Variants in RPGRIP1L observed in about 807,000 individuals in gnomAD.
RPGRIP1L encodes RPGRIP1 like, also known as protein fantom.
Under a neutral mutation model 160.4 loss-of-function variants are expected in RPGRIP1L, and 131 were observed. That is an observed-to-expected ratio of 0.82 (90% CI 0.71 to 0.94). The LOEUF (loss-of-function observed/expected upper bound fraction) is 0.94. RPGRIP1L is among the 40% of genes least tolerant of loss of function. The probability of loss-of-function intolerance (pLI) is 0.00; values close to 1 mark genes in which losing one functional copy is unlikely to be tolerated. For synonymous variants in RPGRIP1L, 510 were observed against 515.8 expected, an observed-to-expected ratio of 0.99 and a Z score of 0.15; for missense variants, 1,522 against 1,535.8, an observed-to-expected ratio of 0.99 and a Z score of 0.15.
At chr16:53,662,475 C>T (rs557389311) in intron 10 of RPGRIP1L, among the ~76,000 whole-genome samples, 2 of 152,196 alleles carry the variant, frequency 1.3e-5, no homozygotes, top group South Asian at 4.1e-4. Flanking sequence ...TGAATGACTA[C>T]AAGAAGCCAG....
At chr16:53,655,905 G>A (rs1021672016) in intron 14 of RPGRIP1L, among the ~76,000 whole-genome samples, 2 of 152,178 alleles carry the variant, frequency 1.3e-5, no homozygotes, top group African/African-American at 4.8e-5. Flanking sequence ...AAGCAGGGAA[G>A]CGTGTATCTT....
At chr16:53,631,281 C>T (rs1019726656) in intron 22 of RPGRIP1L, among the ~76,000 whole-genome samples, 4 of 152,198 alleles carry the variant, frequency 2.6e-5, no homozygotes, top group Non-Finnish European at 4.4e-5. Context: ...GTTCAGAGAA[C>T]CTAGTTTCCA....
chr16:53,619,759 T>C (rs1294564331), intron 23 of RPGRIP1L, among the ~76,000 whole-genome samples: 2 of 152,198 alleles, frequency 1.3e-5, no homozygotes, highest in East Asian at 3.8e-4. Context: ...GAATAAATAA[T>C]ACATTTTCAA....
chr16:53,652,283 G>C (rs1272586515), intron 15 of RPGRIP1L, among the ~76,000 whole-genome samples: 1 of 152,094 alleles, frequency 6.6e-6, no homozygotes, highest in African/African-American at 2.4e-5. Context: ...GTATTTGTCA[G>C]GCTGGTCTTG....
intron 21 of RPGRIP1L, 90 bp from the exon 22 acceptor site, chr16:53,636,602 A>G (rs1965851165): frequency 1.1e-6 from 1 of 870,430 alleles, no homozygotes; most frequent in African/African-American, 1.7e-5. Flanking sequence ...CACACACCAT[A>G]AGATAACCTT....
chr16:53,658,756 T>C lies in RPGRIP1L; in HGVS notation c.1350+16A>G. The C allele has an allele frequency of 6.6e-7, 1 of 1,523,908 alleles. No homozygotes were observed. The highest frequency in any genetic ancestry group is 1.8e-5 in the Admixed American group (1 of 54,506). The allele number at this position is 1,523,908 out of a possible 1,614,324, so 94.4% of individuals were successfully genotyped here. On this transcript the variant is annotated intron_variant, in intron 11 of 26. Transcript: ENST00000647211. The stretch of plus-strand genomic sequence containing the variant: ...AAAATTCTGAGTTTTATTTCTTAAA[T>C]AAGGAAATAATTCACCTGGTTGTAC...
intron 6 of RPGRIP1L, among the ~76,000 whole-genome samples, chr16:53,677,113 G>A (rs1182261213): frequency 1.3e-5 from 2 of 152,084 alleles, no homozygotes; most frequent in Non-Finnish European, 1.5e-5. Context: ...ACTTTCAGTG[G>A]TTTAATCGGT....
At chr16:53,658,682 C>T (rs1967486150) in intron 11 of RPGRIP1L, 90 bp downstream of exon 11, 2 of 933,520 alleles carry the variant, frequency 2.1e-6, no homozygotes, top group East Asian at 2.6e-5. Context: ...TATCTGTATG[C>T]TTTCGCTTTG....
At chr16:53,628,983 G>A (rs1567811872) in intron 22 of RPGRIP1L, among the ~76,000 whole-genome samples, 1 of 151,482 alleles carries the variant, frequency 6.6e-6, no homozygotes, top group Non-Finnish European at 1.5e-5. Flanking sequence ...CCATAGAAAT[G>A]GTGTGTGTGT....
At chr16:53,653,261 G>A (rs1297368565) in intron 14 of RPGRIP1L, 25 of 923,870 alleles carry the variant, frequency 2.7e-5, no homozygotes, top group Non-Finnish European at 3.2e-5. Context: ...GAAGAAAAGC[G>A]CTCTTAATGA....
intron 6 of RPGRIP1L, among the ~76,000 whole-genome samples, chr16:53,675,574 C>T (rs576526689): frequency 1.8e-4 from 28 of 152,204 alleles, no homozygotes; most frequent in Middle Eastern, 6.8e-3. Flanking sequence ...ACAACTCTCT[C>T]GACGCAAATG....
At chr16:53,639,743 T>C (rs1869795396) in intron 19 of RPGRIP1L, among the ~76,000 whole-genome samples, 2 of 152,274 alleles carry the variant, frequency 1.3e-5, no homozygotes, top group South Asian at 4.1e-4. Context: ...ATAGGGTTGT[T>C]GTGAGGATTA....
At chr16:53,637,973 G>T in intron 20 of RPGRIP1L, 119 bp from the exon 21 acceptor site, 1 of 960,926 alleles carries the variant, frequency 1.0e-6, no homozygotes, top group Non-Finnish European at 1.6e-6. Flanking sequence ...ATACAGATAT[G>T]TAATATGTAT....
chr16:53,632,900 C>T (rs1393920148), intron 22 of RPGRIP1L, among the ~76,000 whole-genome samples: 1 of 152,170 alleles, frequency 6.6e-6, no homozygotes, highest in Non-Finnish European at 1.5e-5. Flanking sequence ...CTTCTGAATG[C>T]TCCCATAGCA....
chr16:53,680,418 A>G (rs1289624220), intron 6 of RPGRIP1L, among the ~76,000 whole-genome samples: 1 of 152,120 alleles, frequency 6.6e-6, no homozygotes, highest in African/African-American at 2.4e-5. Context: ...ACTGAGGGAC[A>G]TTCTGCATAC....
chr16:53,664,903 T>C lies in RPGRIP1L; in HGVS notation c.1210A>G (p.Thr404Ala). 6.2e-7 allele frequency: 1 copy of C among 1,612,454 alleles called. No homozygotes were observed. Among genetic ancestry groups the C allele is most frequent in the Non-Finnish European group, 8.5e-7 (1 of 1,179,902 alleles). Residue 404 changes from threonine to alanine, a missense_variant, in exon 10 of 27, where the codon ACT (threonine) becomes GCT (alanine). Coordinates refer to ENST00000647211, the MANE Select transcript of RPGRIP1L (RefSeq NM_015272.5). ...GTTTTTAATCTGTCAAGGATTTCAG[T>C]TTTGTCTGTTAAGTCAGACTTCAAG... is the stretch of plus-strand genomic sequence containing the variant. ...TALKSDLTDK[T>A]EILDRLKTER...
chr16:53,656,372 A>G, intron 14 of RPGRIP1L, 100 bp downstream of exon 14: 1 of 861,516 alleles, frequency 1.2e-6, no homozygotes, highest in Non-Finnish European at 2.0e-6. Flanking sequence ...GCGTAAACAC[A>G]GCAAAAATAC....
intron 10 of RPGRIP1L, among the ~76,000 whole-genome samples, chr16:53,662,535 T>A (rs1232141445): frequency 1.3e-5 from 2 of 152,142 alleles, no homozygotes; most frequent in African/African-American, 4.8e-5. Context: ...GGTAAATGTA[T>A]GAAGACACTT....
chr16:53,675,849 A>G (rs1213872785), intron 6 of RPGRIP1L, among the ~76,000 whole-genome samples: 1 of 152,186 alleles, frequency 6.6e-6, no homozygotes, highest in Non-Finnish European at 1.5e-5. Context: ...GTTAAAGGTT[A>G]ATCATAGATC....
Sources: allele counts gnomAD v4.1 joint callset (sites outside exome capture counted in the v4.1 genomes callset), GRCh38; gene constraint gnomAD v4.1.1; transcripts MANE v1.5; gene names NCBI Gene and HGNC (gene_info 2026-07-23, HGNC 2026-07-21).